Variants in NBAS observed in about 807,000 individuals in gnomAD.
The protein encoded by NBAS is NBAS subunit of NRZ tethering complex, also known as NAG/BC035112 fusion.
A neutral mutation model predicts 302.5 loss-of-function variants in NBAS; 219 were observed. The observed-to-expected ratio is 0.72, with a 90% CI of 0.65 to 0.81. The LOEUF (loss-of-function observed/expected upper bound fraction) is 0.81, where lower values mean the gene tolerates loss of function less well. Ranked by LOEUF, NBAS falls within the 30% of genes least tolerant of loss-of-function variation. NBAS has a pLI of 0.00. For missense variants in NBAS, 2,932 were observed against 2,841.6 expected, an observed-to-expected ratio of 1.03 and a Z score of -0.72; for synonymous variants, 1,118 against 1,021.6, an observed-to-expected ratio of 1.09 and a Z score of -1.80.
intron 25 of NBAS, among the ~76,000 whole-genome samples, chr2:15,410,154 T>C (rs1347332211): frequency 6.6e-6 from 1 of 152,228 alleles, no homozygotes; most frequent in Non-Finnish European, 1.5e-5. Flanking sequence ...ATGCATCTTT[T>C]AAAGAGCCAT....
the NBAS span, among the ~76,000 whole-genome samples, chr2:15,113,116 A>G: frequency 2.0e-5 from 3 of 152,168 alleles, no homozygotes; most frequent in Non-Finnish European, 4.4e-5. Flanking sequence ...TGCTACTTTA[A>G]GAATGTTTTG....
the NBAS span, among the ~76,000 whole-genome samples, chr2:14,939,478 T>C: frequency 6.6e-6 from 1 of 152,256 alleles, no homozygotes; most frequent in Admixed American, 6.5e-5. Context: ...AAAGACCTTC[T>C]GACTCCAGGT....
At chr2:15,159,831 A>ACACACT in the NBAS span, among the ~76,000 whole-genome samples, 15 of 149,254 alleles carry the variant, frequency 1.0e-4, no homozygotes, top group Non-Finnish European at 2.1e-4. Context: ...ACACACACAC[A>ACACACT]CTGCTTGGAA....
chr2:15,342,759 T>C (rs998435058), intron 35 of NBAS, among the ~76,000 whole-genome samples: 1 of 152,094 alleles, frequency 6.6e-6, no homozygotes, highest in Non-Finnish European at 1.5e-5. Flanking sequence ...CATGTATCTA[T>C]TTTATCATAG....
At chr2:15,525,017 T>G (rs370370339) in intron 9 of NBAS, among the ~76,000 whole-genome samples, 5 of 152,180 alleles carry the variant, frequency 3.3e-5, no homozygotes, top group African/African-American at 9.7e-5. Context: ...TTTAAGCAAC[T>G]TCACTGCAAA....
the NBAS span, among the ~76,000 whole-genome samples, chr2:15,159,305 C>A: frequency 6.6e-6 from 1 of 152,150 alleles, no homozygotes; most frequent in Admixed American, 6.5e-5. Flanking sequence ...CAGAATGTTA[C>A]CCCTGGGAGA....
At chr2:15,364,035 T>C (rs1674070610) in intron 32 of NBAS, among the ~76,000 whole-genome samples, 1 of 152,156 alleles carries the variant, frequency 6.6e-6, no homozygotes, top group African/African-American at 2.4e-5. Flanking sequence ...CTGAGGCCTC[T>C]TACCAATAGC....
chr2:15,504,378 G>C (rs973598779), intron 10 of NBAS, among the ~76,000 whole-genome samples, 165 bp from the exon 11 acceptor site: 2 of 151,566 alleles, frequency 1.3e-5, no homozygotes, highest in Admixed American at 6.6e-5. Context: ...TTTTGTTTTT[G>C]TTTGGGAAAA....
intron 35 of NBAS, among the ~76,000 whole-genome samples, chr2:15,334,637 G>A (rs1474398367): frequency 1.3e-5 from 2 of 152,066 alleles, no homozygotes; most frequent in African/African-American, 2.4e-5. Context: ...CACTAAAGAT[G>A]GTTTGCAAAT....
intron 9 of NBAS, among the ~76,000 whole-genome samples, chr2:15,522,148 G>C (rs1429180305): frequency 1.3e-5 from 2 of 152,186 alleles, no homozygotes; most frequent in Non-Finnish European, 2.9e-5. Context: ...GATCAGAGTA[G>C]TACTTTAAGA....
intron 21 of NBAS, among the ~76,000 whole-genome samples, chr2:15,430,205 G>A (rs1409823038): frequency 6.6e-6 from 1 of 152,176 alleles, no homozygotes; most frequent in Non-Finnish European, 1.5e-5. Flanking sequence ...TTGGTATGTA[G>A]AGACTAGTAA....
chr2:15,010,052 G>C, the NBAS span, among the ~76,000 whole-genome samples: 1 of 152,270 alleles, frequency 6.6e-6, no homozygotes, highest in South Asian at 2.1e-4. Context: ...GAGATGAAAA[G>C]ATGTTTTTAG....
intron 41 of NBAS, among the ~76,000 whole-genome samples, chr2:15,289,684 A>G (rs1670213491): frequency 6.6e-6 from 1 of 152,182 alleles, no homozygotes; most frequent in African/African-American, 2.4e-5. Context: ...CAATGCACTT[A>G]CAGAAAACTA....
chr2:14,946,434 A>G, the NBAS span, among the ~76,000 whole-genome samples: 2 of 152,212 alleles, frequency 1.3e-5, no homozygotes, highest in African/African-American at 4.8e-5. Context: ...GACTGTAAAA[A>G]GAGAAAAAGA....
At chr2:14,789,557 T>C in the NBAS span, among the ~76,000 whole-genome samples, 1 of 152,230 alleles carries the variant, frequency 6.6e-6, no homozygotes, top group African/African-American at 2.4e-5. Flanking sequence ...TTTAATACAT[T>C]AGAACTCTAA....
chr2:15,483,132 C>G (rs1307118948), intron 12 of NBAS: 1 of 153,686 alleles, frequency 6.5e-6, no homozygotes, highest in Non-Finnish European at 1.5e-5. Context: ...GAAATCCCTG[C>G]CTCCAACAAC....
At chr2:15,104,001 G>A in the NBAS span, among the ~76,000 whole-genome samples, 4 of 152,282 alleles carry the variant, frequency 2.6e-5, no homozygotes, top group East Asian at 7.7e-4. Context: ...GAGGTGATAT[G>A]GTTTGGCTGT....
the NBAS span, among the ~76,000 whole-genome samples, chr2:14,922,955 A>G: frequency 6.6e-6 from 1 of 152,116 alleles, no homozygotes; most frequent in Non-Finnish European, 1.5e-5. Context: ...GATCGAGACC[A>G]TCCTGGCTAA....
At chr2:15,452,474 G>C (rs952667326) in intron 21 of NBAS, among the ~76,000 whole-genome samples, 3 of 151,666 alleles carry the variant, frequency 2.0e-5, no homozygotes, top group African/African-American at 7.3e-5. Flanking sequence ...TGTAGTCCCA[G>C]CTACTCAGGA....
Sources: allele counts gnomAD v4.1 joint callset (sites outside exome capture counted in the v4.1 genomes callset), GRCh38; gene constraint gnomAD v4.1.1; transcripts MANE v1.5; gene names NCBI Gene and HGNC (gene_info 2026-07-23, HGNC 2026-07-21).